MARCHF3: variants seen among roughly 807,000 people sequenced by gnomAD.
MARCHF3 encodes membrane associated ring-CH-type finger 3.
A neutral mutation model predicts 24.2 loss-of-function variants in MARCHF3; 13 were observed. The observed-to-expected ratio is 0.54, with a 90% CI of 0.35 to 0.85. The LOEUF is 0.85. Among genes scored for constraint, MARCHF3 ranks in the 40% least tolerant of loss-of-function variants. The probability of loss-of-function intolerance (pLI) is 0.01; values close to 1 mark genes in which losing one functional copy is unlikely to be tolerated. For missense variants in MARCHF3, 276 were observed against 325.0 expected (o/e 0.85, Z 1.16); for synonymous variants, 144 against 137.3 (o/e 1.05, Z -0.34).
chr5:126,924,608 A>C (rs1749233749), intron 1 of MARCHF3, among the ~76,000 whole-genome samples: 2 of 152,226 alleles, frequency 1.3e-5, no homozygotes, highest in East Asian at 1.9e-4. Context: ...GAATGTTCAG[A>C]GAAAATGAGG....
At position 126,870,450 on chromosome 5, in the gene MARCHF3, G is replaced by C; in HGVS notation, c.*183C>G. 1 of 531,094 alleles carries C rather than the reference G, an allele frequency of 1.9e-6. No individual in the cohort carries two copies. Among genetic ancestry groups the C allele is most frequent in the Non-Finnish European group, 3.4e-6 (1 of 295,510 alleles). The allele number at this position is 531,094 out of a possible 1,614,324, so 32.9% of individuals were successfully genotyped here. A position where few individuals can be genotyped will look rare whatever the true frequency, so the allele number is the denominator to read the frequency against. Reference sequence around the variant, plus strand: ...ATGATTGCAGCATCCATCATTTGAAGTAAAACAGCATTTGCTTTCTTCTGG... The same window carrying C: ...ATGATTGCAGCATCCATCATTTGAACTAAAACAGCATTTGCTTTCTTCTGG... On this transcript the variant is annotated 3_prime_UTR_variant, in exon 5 of 5. Transcript: ENST00000308660.
At chr5:126,992,766 ATT>A (rs757479478) in intron 1 of MARCHF3, among the ~76,000 whole-genome samples, 569 of 95,472 alleles carry the variant, frequency 6.0e-3, no homozygotes, top group African/African-American at 0.022. Flanking sequence ...CATCCACGTG[ATT>A]TTTTTTTTTT....
chr5:126,873,023 G>A (rs1388270278), intron 4 of MARCHF3, among the ~76,000 whole-genome samples: 1 of 152,180 alleles, frequency 6.6e-6, no homozygotes, highest in Non-Finnish European at 1.5e-5. Flanking sequence ...GGCAATATAA[G>A]AAGTCTGGAA....
At chr5:126,873,152 C>T (rs1377432527) in intron 4 of MARCHF3, among the ~76,000 whole-genome samples, 2 of 152,144 alleles carry the variant, frequency 1.3e-5, no homozygotes, top group Non-Finnish European at 2.9e-5. Context: ...AGGCCGCAGG[C>T]TCCGGAGCCA....
At chr5:126,922,762 G>A (rs1346628615) in intron 1 of MARCHF3, among the ~76,000 whole-genome samples, 1 of 152,060 alleles carries the variant, frequency 6.6e-6, no homozygotes, top group Non-Finnish European at 1.5e-5. Flanking sequence ...TAGCCAGGAT[G>A]GTCTCGATCT....
chr5:126,903,193 A>G (rs1368449551), intron 3 of MARCHF3, among the ~76,000 whole-genome samples: 1 of 152,050 alleles, frequency 6.6e-6, no homozygotes, highest in South Asian at 2.1e-4. Context: ...TAAAGGTGAG[A>G]GAAGTCACCC....
intron 1 of MARCHF3, among the ~76,000 whole-genome samples, chr5:126,947,576 C>T (rs534034178): frequency 1.3e-5 from 2 of 152,244 alleles, no homozygotes; most frequent in South Asian, 2.1e-4. Context: ...TGAATTGCAA[C>T]AGATGTACCC....
chr5:126,975,953 G>A (rs1423133849), intron 1 of MARCHF3, among the ~76,000 whole-genome samples: 1 of 152,100 alleles, frequency 6.6e-6, no homozygotes, highest in African/African-American at 2.4e-5. Context: ...GCCTCTTTGG[G>A]TTTCTTTCAC....
At chr5:126,890,573 T>A (rs1753655880) in intron 3 of MARCHF3, among the ~76,000 whole-genome samples, 1 of 151,948 alleles carries the variant, frequency 6.6e-6, no homozygotes, top group African/African-American at 2.4e-5. Flanking sequence ...TTACTGAGAA[T>A]GAAGTTTTCC....
chr5:126,881,436 T>C (rs1753338631), intron 3 of MARCHF3, among the ~76,000 whole-genome samples: 1 of 152,206 alleles, frequency 6.6e-6, no homozygotes. Flanking sequence ...TATCCAGATA[T>C]ATCCATATAT....
intron 4 of MARCHF3, among the ~76,000 whole-genome samples, chr5:126,874,090 G>A (rs1753065626): frequency 1.3e-5 from 2 of 152,134 alleles, no homozygotes; most frequent in African/African-American, 4.8e-5. Flanking sequence ...AGAGTATAGG[G>A]CCACTATTAT....
At chr5:126,975,938 C>A (rs533933192) in intron 1 of MARCHF3, among the ~76,000 whole-genome samples, 1 of 152,194 alleles carries the variant, frequency 6.6e-6, no homozygotes, top group Non-Finnish European at 1.5e-5. Context: ...TAGGCCTGTG[C>A]CAATGCCTCT....
intron 1 of MARCHF3, among the ~76,000 whole-genome samples, chr5:126,922,078 T>C (rs939352953): frequency 2.6e-5 from 4 of 152,210 alleles, no homozygotes; most frequent in African/African-American, 7.2e-5. Flanking sequence ...TGGTAAGTGA[T>C]TTCCATGGGA....
At chr5:126,946,847 C>T (rs1750042511) in intron 1 of MARCHF3, among the ~76,000 whole-genome samples, 1 of 150,280 alleles carries the variant, frequency 6.7e-6, no homozygotes, top group Non-Finnish European at 1.5e-5. Context: ...TCTAACACCG[C>T]TGTTTTTATT....
chr5:126,932,467 A>C (rs912511309), intron 1 of MARCHF3, among the ~76,000 whole-genome samples: 1 of 152,172 alleles, frequency 6.6e-6, no homozygotes, highest in Non-Finnish European at 1.5e-5. Flanking sequence ...AGTATTATAG[A>C]AGGCTCAGGA....
At chr5:127,005,211 A>T (rs1752267237) in intron 1 of MARCHF3, among the ~76,000 whole-genome samples, 1 of 144,644 alleles carries the variant, frequency 6.9e-6, no homozygotes, top group Non-Finnish European at 1.5e-5. Flanking sequence ...ATCTCAGCTC[A>T]CTGCAACCTC....
At chr5:126,874,880 C>T (rs114027969) in intron 4 of MARCHF3, among the ~76,000 whole-genome samples, 2,611 of 152,250 alleles carry the variant, frequency 0.017, 35 homozygotes, top group Non-Finnish European at 0.025. Flanking sequence ...GTTGGGACAG[C>T]GTTCCATTGG....
intron 1 of MARCHF3, among the ~76,000 whole-genome samples, chr5:126,932,661 C>G (rs1015775052): frequency 6.6e-6 from 1 of 152,174 alleles, no homozygotes; most frequent in Non-Finnish European, 1.5e-5. Flanking sequence ...AGAATATTAT[C>G]TTAAAATACA....
chr5:126,995,584 C>T (rs1183525171), intron 1 of MARCHF3, among the ~76,000 whole-genome samples: 1 of 152,148 alleles, frequency 6.6e-6, no homozygotes, highest in Non-Finnish European at 1.5e-5. Context: ...CTCATAGATT[C>T]CTTTTACAGA....
Sources: allele counts gnomAD v4.1 joint callset (sites outside exome capture counted in the v4.1 genomes callset), GRCh38; gene constraint gnomAD v4.1.1; transcripts MANE v1.5; gene names NCBI Gene and HGNC (gene_info 2026-07-23, HGNC 2026-07-21).